Variants in UNC13C observed in about 807,000 individuals in gnomAD.
UNC13C encodes unc-13 homolog C, also known as protein unc-13 homolog C.
A neutral mutation model predicts 245.4 loss-of-function variants in UNC13C; 174 were observed. The observed-to-expected ratio is 0.71, with a 90% CI of 0.63 to 0.80. The LOEUF (loss-of-function observed/expected upper bound fraction) is 0.80. Among genes scored for constraint, UNC13C ranks in the 30% least tolerant of loss-of-function variants. The pLI, the probability that UNC13C is intolerant of heterozygous loss-of-function variation, is 0.00. For synonymous variants in UNC13C, 992 were observed against 895.1 expected, an observed-to-expected ratio of 1.11 and a Z score of -1.93; for missense variants, 2,829 against 2,602.9, an observed-to-expected ratio of 1.09 and a Z score of -1.89.
chr15:54,476,812 G>A (rs1045140078), intron 19 of UNC13C, among the ~76,000 whole-genome samples: 82 of 150,804 alleles, frequency 5.4e-4, no homozygotes, highest in African/African-American at 1.9e-3. Context: ...GGTTCCATAT[G>A]AACTTTAAAG....
intron 8 of UNC13C, among the ~76,000 whole-genome samples, chr15:54,260,219 G>A (rs910022583): frequency 6.6e-6 from 1 of 152,146 alleles, no homozygotes; most frequent in East Asian, 1.9e-4. Context: ...AAAGAATTTT[G>A]TGAGGCATTT....
chr15:54,334,074 A>C (rs2038511821), intron 16 of UNC13C, among the ~76,000 whole-genome samples: 1 of 152,118 alleles, frequency 6.6e-6, no homozygotes, highest in Non-Finnish European at 1.5e-5. Flanking sequence ...TTTGGCTCTA[A>C]TTTAGTTCTC....
At chr15:53,857,192 T>A in the UNC13C span, among the ~76,000 whole-genome samples, 4 of 152,124 alleles carry the variant, frequency 2.6e-5, no homozygotes, top group African/African-American at 9.7e-5. Context: ...CACACTGGAG[T>A]CTCTGAGCCT....
chr15:53,863,026 G>A, the UNC13C span, among the ~76,000 whole-genome samples: 3 of 152,288 alleles, frequency 2.0e-5, no homozygotes, highest in Non-Finnish European at 4.4e-5. Flanking sequence ...ATATAGGGGA[G>A]ACTGTAGGTA....
chr15:54,354,256 C>T (rs2039045876), intron 17 of UNC13C, among the ~76,000 whole-genome samples: 1 of 151,986 alleles, frequency 6.6e-6, no homozygotes, highest in Non-Finnish European at 1.5e-5. Context: ...AATCATCTTA[C>T]TCATAGGTAT....
intron 18 of UNC13C, among the ~76,000 whole-genome samples, chr15:54,408,229 A>AC (rs2040347372): frequency 1.6e-4 from 24 of 146,632 alleles, no homozygotes; most frequent in African/African-American, 5.4e-4. Flanking sequence ...AAAAAAAAAA[A>AC]CATGGGCAAG....
At chr15:53,916,718 T>TTTAAA in the UNC13C span, among the ~76,000 whole-genome samples, 1 of 152,190 alleles carries the variant, frequency 6.6e-6, no homozygotes, top group Non-Finnish European at 1.5e-5. Flanking sequence ...GGATGTGCAT[T>TTTAAA]TTAAATGTTT....
At chr15:54,580,671 C>G (rs1211403374) in intron 30 of UNC13C, among the ~76,000 whole-genome samples, 4 of 152,214 alleles carry the variant, frequency 2.6e-5, no homozygotes, top group Non-Finnish European at 5.9e-5. Context: ...ACATAGAAAT[C>G]CCCATAAATG....
the UNC13C span, among the ~76,000 whole-genome samples, chr15:53,906,961 G>A: frequency 6.7e-6 from 1 of 150,346 alleles, no homozygotes; most frequent in Non-Finnish European, 1.5e-5. Flanking sequence ...CAGCATGGGG[G>A]AACCACCCTC....
intron 4 of UNC13C, among the ~76,000 whole-genome samples, chr15:54,220,782 T>A (rs2035202122): frequency 6.6e-6 from 1 of 150,876 alleles, no homozygotes; most frequent in Non-Finnish European, 1.5e-5. Flanking sequence ...AACTGCAATG[T>A]CTTATTGTTT....
At chr15:53,927,487 G>A in the UNC13C span, among the ~76,000 whole-genome samples, 23,426 of 152,262 alleles carry the variant, frequency 0.15, 2,157 homozygotes, top group Middle Eastern at 0.23. Flanking sequence ...ACTGTAGAGT[G>A]TAAGGGAGAA....
At chr15:54,257,966 G>C (rs1218727791) in intron 8 of UNC13C, among the ~76,000 whole-genome samples, 1 of 152,100 alleles carries the variant, frequency 6.6e-6, no homozygotes, top group Non-Finnish European at 1.5e-5. Flanking sequence ...AATGAAAGCA[G>C]GCCCACCTAC....
intron 2 of UNC13C, among the ~76,000 whole-genome samples, chr15:54,017,600 A>G (rs1895718801): frequency 1.3e-5 from 2 of 152,140 alleles, no homozygotes; most frequent in African/African-American, 4.8e-5. Context: ...AGGCAATATC[A>G]TAAATAGGAC....
the UNC13C span, among the ~76,000 whole-genome samples, chr15:53,969,788 T>C: frequency 1.3e-5 from 2 of 152,094 alleles, no homozygotes; most frequent in Non-Finnish European, 2.9e-5. Flanking sequence ...TTAAGTATAT[T>C]GACATTGTTG....
At position 54,013,995 on chromosome 15, in the gene UNC13C, ACAC is replaced by A; in HGVS notation, c.1095_1097del (p.His365del). On this transcript the variant is annotated inframe_deletion, in exon 2 of 33. Transcript: ENST00000260323. ...AAATTGAATTTGCTCAGAGGATAGG[ACAC>A]CAGAGAGACTGCCCAAATGCAAAGC... 6.2e-7 allele frequency: 1 copy of A among 1,613,810 alleles called. No individual in the cohort carries two copies. Among genetic ancestry groups the A allele is most frequent in the Non-Finnish European group, 8.5e-7 (1 of 1,179,832 alleles).
chr15:54,403,808 T>C (rs1404764608), intron 18 of UNC13C, among the ~76,000 whole-genome samples: 1 of 151,506 alleles, frequency 6.6e-6, no homozygotes, highest in South Asian at 2.1e-4. Context: ...AATATCTGAG[T>C]TCATTAAAAT....
chr15:54,593,925 T>C (rs1210187826), intron 30 of UNC13C, among the ~76,000 whole-genome samples: 1 of 152,060 alleles, frequency 6.6e-6, no homozygotes, highest in African/African-American at 2.4e-5. Flanking sequence ...ATTACCAGGG[T>C]TGGTTTTCTG....
chr15:54,527,616 CCA>C (rs1184525611), intron 25 of UNC13C, among the ~76,000 whole-genome samples: 5 of 151,978 alleles, frequency 3.3e-5, no homozygotes, highest in African/African-American at 9.7e-5. Context: ...TCTGGATAAA[CCA>C]CAGTTATGAA....
chr15:54,375,001 A>G (rs1396647065), intron 17 of UNC13C, among the ~76,000 whole-genome samples: 1 of 152,262 alleles, frequency 6.6e-6, no homozygotes, highest in Non-Finnish European at 1.5e-5. Flanking sequence ...AGATGATAAG[A>G]GATTTAGGTT....
Sources: gnomAD v4.1 joint callset for allele counts (sites outside exome capture counted in the v4.1 genomes callset) on GRCh38, gnomAD v4.1.1 for gene constraint, MANE v1.5 for transcripts, NCBI Gene and HGNC (gene_info 2026-07-23, HGNC 2026-07-21) for gene names.